Variants in SORCS2 observed in about 807,000 individuals in gnomAD.
SORCS2 encodes the protein sortilin related VPS10 domain containing receptor 2.
In SORCS2, 100 loss-of-function variants were observed where a neutral mutation model predicts 141.6. The ratio of observed to expected loss-of-function variants is 0.71; its 90% CI spans 0.60 to 0.83. SORCS2 has a LOEUF of 0.83. Ranked by LOEUF, SORCS2 falls within the 40% of genes least tolerant of loss-of-function variation. SORCS2 has a pLI of 0.00. For synonymous variants in SORCS2, 789 were observed against 676.9 expected (o/e 1.17, Z -2.57); for missense variants, 1,646 against 1,560.2 (o/e 1.05, Z -0.93).
At chr4:7,682,927 G>A (rs763466939) in intron 10 of SORCS2, 38 bp downstream of exon 10, 44 of 1,599,574 alleles carry the variant, frequency 2.8e-5, no homozygotes, top group African/African-American at 4.0e-5. Flanking sequence ...CATCCTTGGC[G>A]TGGATGCTAG....
intron 3 of SORCS2, among the ~76,000 whole-genome samples, chr4:7,570,909 G>A (rs1010800546): frequency 2.0e-5 from 3 of 152,126 alleles, no homozygotes; most frequent in African/African-American, 7.2e-5. Flanking sequence ...GCTGGGGGAG[G>A]GGCCGAGTCT....
intron 3 of SORCS2, among the ~76,000 whole-genome samples, chr4:7,543,661 CA>C (rs1159695923): frequency 1.7e-4 from 25 of 149,636 alleles, no homozygotes; most frequent in African/African-American, 2.2e-4. Flanking sequence ...TCCATCCACC[CA>C]CCCATCCATC....
At chr4:7,455,424 T>C (rs1728830721) in intron 2 of SORCS2, among the ~76,000 whole-genome samples, 1 of 106,340 alleles carries the variant, frequency 9.4e-6, no homozygotes, top group East Asian at 3.2e-4. Context: ...TGTGTTGGGG[T>C]CAGTGCTGTG....
At chr4:7,370,635 T>C (rs1286799859) in intron 1 of SORCS2, among the ~76,000 whole-genome samples, 1 of 152,240 alleles carries the variant, frequency 6.6e-6, no homozygotes, top group Non-Finnish European at 1.5e-5. Flanking sequence ...TGTGGGGCTC[T>C]TCCCCTGGCG....
chr4:7,282,694 T>G (rs1715958571), intron 1 of SORCS2, among the ~76,000 whole-genome samples: 1 of 152,116 alleles, frequency 6.6e-6, no homozygotes, highest in African/African-American at 2.4e-5. Flanking sequence ...TGGAGGTGAT[T>G]TGGTCCATAA....
At chr4:7,307,631 G>T (rs1717915296) in intron 1 of SORCS2, among the ~76,000 whole-genome samples, 1 of 152,248 alleles carries the variant, frequency 6.6e-6, no homozygotes, top group South Asian at 2.1e-4. Context: ...TCTGGCATTT[G>T]CCATCAGAGG....
intron 1 of SORCS2, among the ~76,000 whole-genome samples, chr4:7,276,927 A>T (rs1023294248): frequency 3.3e-4 from 50 of 152,314 alleles, no homozygotes; most frequent in African/African-American, 1.2e-3. Context: ...CAGGATTGGA[A>T]GGGAAGCCAT....
At chr4:7,443,692 G>A (rs1727821592) in intron 2 of SORCS2, among the ~76,000 whole-genome samples, 1 of 152,244 alleles carries the variant, frequency 6.6e-6, no homozygotes, top group African/African-American at 2.4e-5. Flanking sequence ...GGGGCCTTGA[G>A]GCCACACCTC....
At chr4:7,561,397 C>T (rs1714540798) in intron 3 of SORCS2, among the ~76,000 whole-genome samples, 1 of 152,128 alleles carries the variant, frequency 6.6e-6, no homozygotes, top group Non-Finnish European at 1.5e-5. Context: ...TCCATACATC[C>T]ATCTACCCAT....
chr4:7,443,958 C>T (rs994166337), intron 2 of SORCS2, among the ~76,000 whole-genome samples: 2 of 152,228 alleles, frequency 1.3e-5, no homozygotes, highest in African/African-American at 4.8e-5. Flanking sequence ...CACATGTCCA[C>T]CTGACCCCAA....
chr4:7,717,572 C>T (rs1726277001), intron 17 of SORCS2, among the ~76,000 whole-genome samples: 2 of 152,192 alleles, frequency 1.3e-5, no homozygotes, highest in South Asian at 2.1e-4. Flanking sequence ...GTGTGTGTGC[C>T]CATGGTTACG....
chr4:7,665,367 C>G (rs1722440875), intron 7 of SORCS2, among the ~76,000 whole-genome samples: 1 of 152,242 alleles, frequency 6.6e-6, no homozygotes, highest in African/African-American at 2.4e-5. Context: ...GCCACTGATC[C>G]TAACCTCCAG....
At chr4:7,429,618 C>A (rs1560276942) in intron 2 of SORCS2, among the ~76,000 whole-genome samples, 1 of 152,246 alleles carries the variant, frequency 6.6e-6, no homozygotes, top group South Asian at 2.1e-4. Context: ...TCTGTGCATG[C>A]ACCCGGCGGG....
chr4:7,501,711 C>G (rs377375260), intron 2 of SORCS2, among the ~76,000 whole-genome samples: 57 of 152,334 alleles, frequency 3.7e-4, no homozygotes, highest in Middle Eastern at 6.8e-3. Context: ...CTGAAGGAAT[C>G]GGCAGGTGTA....
At chr4:7,658,706 T>C (rs1413598955) in intron 5 of SORCS2, among the ~76,000 whole-genome samples, 1 of 152,202 alleles carries the variant, frequency 6.6e-6, no homozygotes, top group Non-Finnish European at 1.5e-5. Flanking sequence ...ATTTATGGAT[T>C]TCCCCTGTCC....
At chr4:7,293,916 T>C (rs1038418612) in intron 1 of SORCS2, among the ~76,000 whole-genome samples, 3 of 152,230 alleles carry the variant, frequency 2.0e-5, no homozygotes, top group African/African-American at 7.2e-5. Context: ...AGGGCGCATT[T>C]GGATGGTATT....
Position 7,674,317 on chromosome 4 carries a change from C to A in SORCS2, c.1162-1733C>A, listed in dbSNP as rs112645420. Among the ~76,000 whole-genome samples the A allele has an allele frequency of 8.9e-3, 1,358 of 152,172 alleles. 25 individuals carry two copies. The highest frequency in any genetic ancestry group is 0.031 in the African/African-American group (1,286 of 41,508). On this transcript the variant is annotated intron_variant, in intron 8 of 26. Transcript: ENST00000507866. ...ACACTCGGCCGGGCGCGGTGGCTCA[C>A]GCCTGTAATCCCAGCACTTTGGGAG... is the stretch of plus-strand genomic sequence containing the variant.
At chr4:7,292,325 C>T (rs184403868) in intron 1 of SORCS2, among the ~76,000 whole-genome samples, 15 of 152,098 alleles carry the variant, frequency 9.9e-5, no homozygotes, top group Non-Finnish European at 2.9e-5. Context: ...CCCCACCATT[C>T]GCAGTCTGTT....
intron 5 of SORCS2, among the ~76,000 whole-genome samples, chr4:7,660,049 A>T (rs529365154): frequency 5.3e-5 from 8 of 152,328 alleles, no homozygotes; most frequent in Non-Finnish European, 1.0e-4. Flanking sequence ...ATTCAAGATA[A>T]GTATGATAAG....
Sources: allele counts gnomAD v4.1 joint callset (sites outside exome capture counted in the v4.1 genomes callset), GRCh38; gene constraint gnomAD v4.1.1; transcripts MANE v1.5; gene names NCBI Gene and HGNC (gene_info 2026-07-23, HGNC 2026-07-21).